The following PTPRR variants were observed in gnomAD, a reference collection of about 807,000 sequenced individuals.
The protein encoded by PTPRR is receptor-type tyrosine-protein phosphatase R.
PTPRR carries 38 observed loss-of-function variants against 77.2 expected under a neutral mutation model. The observed-to-expected ratio is 0.49, with a 90% CI of 0.38 to 0.65. PTPRR has a LOEUF of 0.65. Ranked by LOEUF, PTPRR falls within the 30% of genes least tolerant of loss-of-function variation. PTPRR has a pLI of 0.00. For missense variants in PTPRR, 744 were observed against 799.2 expected (o/e 0.93, Z 0.83); for synonymous variants, 299 against 283.1 (o/e 1.06, Z -0.57).
Position 70,684,767 on chromosome 12 carries a change from C to T in PTPRR, c.1296G>A (p.Val432=), listed in dbSNP as rs765404952. The change falls in exon 9 of 14, where the codon GTG becomes GTA. Residue 432 remains valine (V), a synonymous_variant. Transcript: ENST00000283228. ...KTILPNPLSR[V]CLRPKNVTDS... ...CGGTTACATTTTTTGGTCTTAAACA[C>T]ACTCTGCTGAGGGGATCTAATGAAG... 17 of 1,606,788 alleles carry T rather than the reference C, an allele frequency of 1.1e-5. No individual in the cohort carries two copies. Among genetic ancestry groups the T allele is most frequent in the East Asian group, 2.2e-5 (1 of 44,786 alleles).
Position 70,777,655 on chromosome 12 carries a change from G to A in PTPRR, c.358-12877C>T, listed in dbSNP as rs556184804. On this transcript the variant is annotated intron_variant, in intron 2 of 13. Transcript: ENST00000283228. ...AGTAAAGTGATACCTTCAGTCTTAC[G>A]CAGTTAACAATGAGGATGCCTTCTC... 7.2e-5 allele frequency among the ~76,000 whole-genome samples: 11 copies of A among 152,186 alleles called. No individual in the cohort carries two copies. In the South Asian group the frequency reaches 2.1e-3, roughly 29 times the overall value.
intron 2 of PTPRR, among the ~76,000 whole-genome samples, chr12:70,768,967 T>C (rs1158138955): frequency 1.3e-5 from 2 of 150,948 alleles, no homozygotes; most frequent in Non-Finnish European, 2.9e-5. Flanking sequence ...CAACCCTTCA[T>C]GCTAAAAACT....
At chr12:70,872,525 C>T (rs1181096537) in intron 2 of PTPRR, among the ~76,000 whole-genome samples, 1 of 151,542 alleles carries the variant, frequency 6.6e-6, no homozygotes, top group Non-Finnish European at 1.5e-5. Flanking sequence ...GAAACCCCGT[C>T]TCTACTAAAA....
At chr12:70,892,565 A>C in intron 2 of PTPRR, 114 bp downstream of exon 2, 1 of 1,231,434 alleles carries the variant, frequency 8.1e-7, no homozygotes, top group Non-Finnish European at 1.1e-6. Flanking sequence ...GCTGTGGTAC[A>C]TACCCGTTGG....
At chr12:70,846,057 A>T (rs1463188231) in intron 2 of PTPRR, among the ~76,000 whole-genome samples, 1 of 152,240 alleles carries the variant, frequency 6.6e-6, no homozygotes, top group Non-Finnish European at 1.5e-5. Flanking sequence ...AAATACAAGT[A>T]TATGTAACCC....
intron 13 of PTPRR, among the ~76,000 whole-genome samples, chr12:70,643,425 TC>T (rs1886082305): frequency 6.6e-6 from 1 of 152,146 alleles, no homozygotes; most frequent in Non-Finnish European, 1.5e-5. Flanking sequence ...TCCATCCACC[TC>T]AGCCTCCCAA....
intron 2 of PTPRR, among the ~76,000 whole-genome samples, chr12:70,884,278 G>A (rs1248754546): frequency 3.3e-5 from 5 of 152,142 alleles, no homozygotes; most frequent in Admixed American, 3.3e-4. Flanking sequence ...CGAAAGCCCA[G>A]TATAATCATC....
At chr12:70,864,858 C>T (rs1446493993) in intron 2 of PTPRR, among the ~76,000 whole-genome samples, 1 of 152,154 alleles carries the variant, frequency 6.6e-6, no homozygotes, top group Non-Finnish European at 1.5e-5. Context: ...GTTGCTCAGG[C>T]TAGAGTACAG....
intron 2 of PTPRR, among the ~76,000 whole-genome samples, chr12:70,813,604 T>A (rs1216851009): frequency 6.6e-6 from 1 of 152,228 alleles, no homozygotes; most frequent in East Asian, 1.9e-4. Flanking sequence ...AGACCAAATA[T>A]GTGAAGCAAA....
intron 8 of PTPRR, among the ~76,000 whole-genome samples, chr12:70,695,594 A>T (rs1423764829): frequency 6.6e-6 from 1 of 152,240 alleles, no homozygotes; most frequent in Non-Finnish European, 1.5e-5. Flanking sequence ...TCATCTGGGC[A>T]GGAAATGGAG....
intron 10 of PTPRR, among the ~76,000 whole-genome samples, chr12:70,673,352 C>T (rs769317085): frequency 6.6e-6 from 1 of 152,158 alleles, no homozygotes; most frequent in Non-Finnish European, 1.5e-5. Flanking sequence ...GATAAACATA[C>T]ATTACAAGAT....
chr12:70,693,840 A>G (rs934035609), intron 8 of PTPRR, among the ~76,000 whole-genome samples: 1 of 152,146 alleles, frequency 6.6e-6, no homozygotes, highest in African/African-American at 2.4e-5. Context: ...CATAGATGGT[A>G]CCCCTATTTC....
intron 6 of PTPRR, among the ~76,000 whole-genome samples, chr12:70,723,998 C>G (rs1247393311): frequency 6.6e-6 from 1 of 152,096 alleles, no homozygotes; most frequent in Non-Finnish European, 1.5e-5. Flanking sequence ...AAAAAAGATA[C>G]AGATTTTTGA....
At chr12:70,891,607 C>T (rs927276159) in intron 2 of PTPRR, among the ~76,000 whole-genome samples, 22 of 151,928 alleles carry the variant, frequency 1.4e-4, no homozygotes, top group Admixed American at 1.2e-3. Context: ...TGGACATTTT[C>T]CAAGCAAAAC....
chr12:70,780,010 T>TA (rs1592752964), intron 2 of PTPRR, among the ~76,000 whole-genome samples: 1 of 151,912 alleles, frequency 6.6e-6, no homozygotes, highest in East Asian at 1.9e-4. Context: ...TTTTTTTTTT[T>TA]AAGACAGAGT....
intron 1 of PTPRR, chr12:70,907,017 A>G (rs1254809935): frequency 6.6e-6 from 1 of 152,246 alleles, no homozygotes; most frequent in African/African-American, 2.4e-5. Flanking sequence ...GACTAGCCTT[A>G]AAGAAAACTA....
chr12:70,902,837 G>T (rs1318279209), intron 1 of PTPRR, among the ~76,000 whole-genome samples: 4 of 151,590 alleles, frequency 2.6e-5, no homozygotes, highest in African/African-American at 9.7e-5. Context: ...CAGCACTAAA[G>T]AACTTACCCA....
intron 1 of PTPRR, among the ~76,000 whole-genome samples, chr12:70,896,089 TATATTA>T (rs1406147819): frequency 6.6e-6 from 1 of 151,652 alleles, no homozygotes; most frequent in Non-Finnish European, 1.5e-5. Flanking sequence ...CTGGAGTGAC[TATATTA>T]ATATCAATTC....
intron 2 of PTPRR, among the ~76,000 whole-genome samples, chr12:70,855,804 A>T (rs958774734): frequency 5.3e-5 from 8 of 152,202 alleles, no homozygotes; most frequent in African/African-American, 1.9e-4. Context: ...CATTTAAACA[A>T]CAAAGCACTG....
Sources: allele counts gnomAD v4.1 joint callset (sites outside exome capture counted in the v4.1 genomes callset), GRCh38; gene constraint gnomAD v4.1.1; transcripts MANE v1.5; gene names NCBI Gene and HGNC (gene_info 2026-07-23, HGNC 2026-07-21).